STAG1: variants seen among roughly 807,000 people sequenced by gnomAD.
STAG1 encodes STAG1 cohesin complex component.
Under a neutral mutation model 170.9 loss-of-function variants are expected in STAG1, and 26 were observed. The ratio of observed to expected loss-of-function variants is 0.15; its 90% CI spans 0.11 to 0.21. The LOEUF is 0.21. STAG1 is among the 10% of genes least tolerant of loss of function. The pLI, the probability that STAG1 is intolerant of heterozygous loss-of-function variation, is 1.00. For missense variants in STAG1, 964 were observed against 1,509.5 expected (o/e 0.64, Z 5.99); for synonymous variants, 514 against 497.7 (o/e 1.03, Z -0.44).
At chr3:136,591,918 A>T (rs1938202447) in intron 4 of STAG1, among the ~76,000 whole-genome samples, 2 of 152,176 alleles carry the variant, frequency 1.3e-5, no homozygotes, top group Admixed American at 6.5e-5. Flanking sequence ...CCTTTGCTGA[A>T]TTCAAGAGTC....
intron 5 of STAG1, among the ~76,000 whole-genome samples, chr3:136,555,772 A>C (rs1029375174): frequency 6.6e-6 from 1 of 152,112 alleles, no homozygotes; most frequent in African/African-American, 2.4e-5. Flanking sequence ...AAATCATCCA[A>C]CAAAAATCTT....
At chr3:136,580,521 CTTTTTTTTT>C (rs760635116) in intron 4 of STAG1, among the ~76,000 whole-genome samples, 88 of 100,354 alleles carry the variant, frequency 8.8e-4, no homozygotes, top group South Asian at 3.1e-3. Flanking sequence ...TTGTATAATT[CTTTTTTTTT>C]TTTTTTTTTT....
At chr3:136,517,182 G>A (rs1359256236) in intron 7 of STAG1, among the ~76,000 whole-genome samples, 2 of 152,152 alleles carry the variant, frequency 1.3e-5, no homozygotes, top group African/African-American at 4.8e-5. Context: ...GATAAGCACT[G>A]ATGAAGACTG....
At chr3:136,720,176 CAA>C (rs59409389) in intron 1 of STAG1, among the ~76,000 whole-genome samples, 157 of 61,108 alleles carry the variant, frequency 2.6e-3, no homozygotes, top group Non-Finnish European at 3.9e-3. Context: ...AATTCCGTCT[CAA>C]AAAAAAAAAA....
At chr3:136,473,803 T>C (rs912642005) in intron 10 of STAG1, among the ~76,000 whole-genome samples, 166 bp from the exon 11 acceptor site, 1 of 141,006 alleles carries the variant, frequency 7.1e-6, no homozygotes, top group African/African-American at 2.6e-5. Context: ...CCCTTATATG[T>C]AAAAAAAAAA....
intron 4 of STAG1, among the ~76,000 whole-genome samples, chr3:136,571,693 A>G (rs1485587124): frequency 6.6e-6 from 1 of 151,986 alleles, no homozygotes; most frequent in Non-Finnish European, 1.5e-5. Context: ...GCAACATACA[A>G]AGACCCTCAT....
chr3:136,694,489 C>A (rs1034521623), intron 1 of STAG1, among the ~76,000 whole-genome samples: 5 of 151,884 alleles, frequency 3.3e-5, no homozygotes, highest in Admixed American at 3.3e-4. Context: ...GGTGGCACAT[C>A]TCTGTGGTTC....
At chr3:136,478,464 C>A (rs559855019) in intron 9 of STAG1, among the ~76,000 whole-genome samples, 1 of 152,254 alleles carries the variant, frequency 6.6e-6, no homozygotes, top group South Asian at 2.1e-4. Flanking sequence ...AAAATATTAA[C>A]TATAATATCA....
intron 1 of STAG1, among the ~76,000 whole-genome samples, chr3:136,694,939 T>G (rs1942839672): frequency 6.6e-6 from 1 of 152,162 alleles, no homozygotes; most frequent in Non-Finnish European, 1.5e-5. Context: ...AGGTGGCACC[T>G]GAGAAATAGA....
intron 5 of STAG1, among the ~76,000 whole-genome samples, chr3:136,564,427 A>G (rs1291290730): frequency 6.6e-6 from 1 of 152,206 alleles, no homozygotes; most frequent in African/African-American, 2.4e-5. Context: ...ACTTGTGCCA[A>G]TCTGATAGGT....
intron 32 of STAG1, among the ~76,000 whole-genome samples, chr3:136,338,860 T>C (rs1935818547): frequency 6.6e-6 from 1 of 152,196 alleles, no homozygotes; most frequent in Non-Finnish European, 1.5e-5. Flanking sequence ...AGGGAGATTA[T>C]AGATTGGAGT....
chr3:136,681,737 G>A (rs985677016), intron 1 of STAG1, among the ~76,000 whole-genome samples: 2 of 151,876 alleles, frequency 1.3e-5, no homozygotes, highest in East Asian at 1.9e-4. Flanking sequence ...ATGATCCAAC[G>A]TATGAAAATC....
intron 30 of STAG1, among the ~76,000 whole-genome samples, chr3:136,343,271 C>T (rs1173150945): frequency 6.6e-6 from 1 of 152,154 alleles, no homozygotes; most frequent in Non-Finnish European, 1.5e-5. Flanking sequence ...TTTCAGAGGT[C>T]TGTGTACTAG....
intron 20 of STAG1, 49 bp downstream of exon 20, chr3:136,421,044 T>C: frequency 8.2e-7 from 1 of 1,219,092 alleles, no homozygotes; most frequent in Admixed American, 2.1e-5. Flanking sequence ...GTGTTGGGGT[T>C]ACAGGCATGA....
chr3:136,686,864 C>A (rs908701274), intron 1 of STAG1, among the ~76,000 whole-genome samples: 1 of 152,158 alleles, frequency 6.6e-6, no homozygotes, highest in African/African-American at 2.4e-5. Flanking sequence ...AATCCTAATT[C>A]ACTTTAGCAA....
chr3:136,416,256 T>C (rs939224459), intron 21 of STAG1, among the ~76,000 whole-genome samples: 3 of 152,206 alleles, frequency 2.0e-5, no homozygotes, highest in South Asian at 2.1e-4. Flanking sequence ...TCCGCCCACC[T>C]TGGCCTCCCA....
At chr3:136,489,451 T>C (rs1024673434) in intron 9 of STAG1, among the ~76,000 whole-genome samples, 1 of 152,194 alleles carries the variant, frequency 6.6e-6, no homozygotes, top group Non-Finnish European at 1.5e-5. Flanking sequence ...ATGATTATAA[T>C]ACAAATTTCA....
chr3:136,536,578 G>A (rs1430700388), intron 6 of STAG1, among the ~76,000 whole-genome samples: 7 of 151,852 alleles, frequency 4.6e-5, no homozygotes, highest in African/African-American at 9.7e-5. Context: ...GTGTGCGCCT[G>A]TAGTCCCAGC....
At chr3:136,442,813 G>C (rs1175449394) in intron 15 of STAG1, among the ~76,000 whole-genome samples, 1 of 152,164 alleles carries the variant, frequency 6.6e-6, no homozygotes, top group Admixed American at 6.5e-5. Context: ...GCTAAGGCAG[G>C]AAGATTACTT....
Sources: allele counts gnomAD v4.1 joint callset (sites outside exome capture counted in the v4.1 genomes callset), GRCh38; gene constraint gnomAD v4.1.1; transcripts MANE v1.5; gene names NCBI Gene and HGNC (gene_info 2026-07-23, HGNC 2026-07-21).